Variants in SNX29 observed in about 807,000 individuals in gnomAD.
SNX29 encodes the protein sorting nexin 29.
A neutral mutation model predicts 102.1 loss-of-function variants in SNX29; 78 were observed. The ratio of observed to expected loss-of-function variants is 0.76; its 90% CI spans 0.64 to 0.92. The LOEUF (loss-of-function observed/expected upper bound fraction) is 0.92. Among genes scored for constraint, SNX29 ranks in the 40% least tolerant of loss-of-function variants. The pLI, the probability that SNX29 is intolerant of heterozygous loss-of-function variation, is 0.00. For missense variants in SNX29, 1,280 were observed against 1,061.7 expected, an observed-to-expected ratio of 1.21 and a Z score of -2.86; for synonymous variants, 580 against 414.5, an observed-to-expected ratio of 1.40 and a Z score of -4.85.
At chr16:12,341,318 T>C (rs559810579) in intron 15 of SNX29, among the ~76,000 whole-genome samples, 1 of 152,314 alleles carries the variant, frequency 6.6e-6, no homozygotes, top group South Asian at 2.1e-4. Flanking sequence ...AGTTTCTTCT[T>C]GGGTAAAAGG....
chr16:12,461,983 AT>A (rs2086810020), intron 18 of SNX29, among the ~76,000 whole-genome samples: 2 of 49,542 alleles, frequency 4.0e-5, no homozygotes, highest in African/African-American at 2.7e-4. Flanking sequence ...AAAAAAATAT[AT>A]ATATATATAT....
chr16:12,259,205 C>G (rs959141588), intron 14 of SNX29, among the ~76,000 whole-genome samples: 1 of 152,148 alleles, frequency 6.6e-6, no homozygotes, highest in Non-Finnish European at 1.5e-5. Context: ...TTATATCGTT[C>G]CGATTTGTCA....
chr16:12,118,858 A>G (rs2053855518), intron 11 of SNX29, among the ~76,000 whole-genome samples: 1 of 151,970 alleles, frequency 6.6e-6, no homozygotes, highest in African/African-American at 2.4e-5. Context: ...GTGTCCATTC[A>G]CTGTCCCCTG....
intron 14 of SNX29, among the ~76,000 whole-genome samples, chr16:12,240,300 A>T (rs76776815): frequency 2.6e-5 from 4 of 152,182 alleles, no homozygotes; most frequent in African/African-American, 9.7e-5. Flanking sequence ...CCAGAAAAAC[A>T]TGTATTGACG....
chr16:12,555,326 T>C (rs910874750), intron 20 of SNX29, among the ~76,000 whole-genome samples: 1 of 151,688 alleles, frequency 6.6e-6, no homozygotes, highest in African/African-American at 2.4e-5. Flanking sequence ...CCCCAGTGTT[T>C]CTTGGCACCT....
chr16:12,002,850 G>T (rs989360589), intron 2 of SNX29, 141 bp from the exon 3 acceptor site: 1 of 835,254 alleles, frequency 1.2e-6, no homozygotes, highest in Non-Finnish European at 1.9e-6. Flanking sequence ...ATACCCAGGG[G>T]ACAGGGACGT....
At position 12,571,020 on chromosome 16, in the gene SNX29, C is replaced by T. The variant is rs752634091; in HGVS notation, c.*2391C>T. 6 of 232,642 alleles carry T rather than the reference C, an allele frequency of 2.6e-5. No individual in the cohort carries two copies. Among genetic ancestry groups the T allele is most frequent in the South Asian group, 1.8e-4 (1 of 5,534 alleles). The allele number at this position is 232,642 out of a possible 1,614,324, so 14.4% of individuals were successfully genotyped here. On this transcript the variant is annotated 3_prime_UTR_variant, in exon 21 of 21. Coordinates refer to ENST00000566228, the MANE Select transcript of SNX29 (RefSeq NM_032167.5). ...CAGACCGTAGAGTCGAGTCATCTCG[C>T]AGATCCAGACCATCTCCTCTCATTC...
intron 19 of SNX29, among the ~76,000 whole-genome samples, chr16:12,524,449 C>T (rs549055177): frequency 4.6e-5 from 7 of 151,870 alleles, no homozygotes; most frequent in African/African-American, 1.7e-4. Flanking sequence ...ATAACTGTCC[C>T]ATTTGAATAG....
chr16:12,071,347 T>G (rs1463418102), intron 10 of SNX29, among the ~76,000 whole-genome samples: 3 of 152,204 alleles, frequency 2.0e-5, no homozygotes. Context: ...AATTTTTGTA[T>G]AAGGTGTAAG....
intron 16 of SNX29, among the ~76,000 whole-genome samples, chr16:12,388,722 A>G (rs1038714827): frequency 6.6e-6 from 1 of 152,220 alleles, no homozygotes; most frequent in Non-Finnish European, 1.5e-5. Context: ...CCCAGGAGCC[A>G]TAGTTGCTGA....
At chr16:12,464,355 T>C (rs2086955608) in intron 18 of SNX29, among the ~76,000 whole-genome samples, 1 of 152,182 alleles carries the variant, frequency 6.6e-6, no homozygotes, top group Admixed American at 6.5e-5. Context: ...TTTGTTTCCA[T>C]ATCTTGTGAA....
chr16:12,358,131 G>C (rs542331422), intron 16 of SNX29, among the ~76,000 whole-genome samples: 1 of 152,160 alleles, frequency 6.6e-6, no homozygotes, highest in African/African-American at 2.4e-5. Flanking sequence ...GCGTTTTAGT[G>C]TATGGCGTCT....
intron 20 of SNX29, among the ~76,000 whole-genome samples, chr16:12,566,203 T>G (rs752445104): frequency 6.6e-6 from 1 of 152,134 alleles, no homozygotes; most frequent in Non-Finnish European, 1.5e-5. Flanking sequence ...ACCACCACAG[T>G]ACTAGGATAT....
intron 11 of SNX29, chr16:12,093,739 G>C (rs1372311290): frequency 6.6e-6 from 1 of 152,144 alleles, no homozygotes; most frequent in African/African-American, 2.4e-5. Context: ...GTTGTATCTG[G>C]GAACCTCATT....
intron 18 of SNX29, among the ~76,000 whole-genome samples, chr16:12,441,340 G>A (rs188625216): frequency 4.6e-5 from 7 of 151,960 alleles, no homozygotes; most frequent in East Asian, 3.9e-4. Flanking sequence ...CACCCACCTC[G>A]GCCTCCCAAA....
chr16:12,539,645 C>T (rs1001290059), intron 20 of SNX29, among the ~76,000 whole-genome samples: 5 of 152,198 alleles, frequency 3.3e-5, no homozygotes, highest in Non-Finnish European at 5.9e-5. Context: ...TAAGAAACTG[C>T]ATTCCCACAG....
chr16:12,534,722 C>T (rs2077024246), intron 20 of SNX29, among the ~76,000 whole-genome samples: 1 of 152,246 alleles, frequency 6.6e-6, no homozygotes, highest in Admixed American at 6.5e-5. Context: ...CCCTGTCACT[C>T]ACTGCCCCTT....
chr16:12,302,576 C>CT (rs912878205), intron 15 of SNX29, among the ~76,000 whole-genome samples: 1 of 152,162 alleles, frequency 6.6e-6, no homozygotes, highest in African/African-American at 2.4e-5. Context: ...TCTCTGGGGC[C>CT]TTTTTTATAA....
At chr16:12,226,506 G>C (rs958624149) in intron 14 of SNX29, among the ~76,000 whole-genome samples, 6 of 151,986 alleles carry the variant, frequency 3.9e-5, no homozygotes, top group African/African-American at 1.4e-4. Context: ...TGGAGCCCCA[G>C]GTTCTCTGTT....
Sources: gnomAD v4.1 joint callset for allele counts (sites outside exome capture counted in the v4.1 genomes callset) on GRCh38, gnomAD v4.1.1 for gene constraint, MANE v1.5 for transcripts, NCBI Gene and HGNC (gene_info 2026-07-23, HGNC 2026-07-21) for gene names.